Variants in PTPRN2 observed in about 807,000 individuals in gnomAD.
The protein encoded by PTPRN2 is protein tyrosine phosphatase receptor type N2.
PTPRN2 carries 74 observed loss-of-function variants against 118.8 expected under a neutral mutation model. The ratio of observed to expected loss-of-function variants is 0.62; its 90% CI spans 0.52 to 0.76. PTPRN2 has a LOEUF of 0.76. Among genes scored for constraint, PTPRN2 ranks in the 30% least tolerant of loss-of-function variants. PTPRN2 has a pLI of 0.00. For synonymous variants in PTPRN2, 641 were observed against 608.0 expected (o/e 1.05, Z -0.80); for missense variants, 1,481 against 1,394.4 (o/e 1.06, Z -0.99).
chr7:158,327,136 C>G (rs1415533618), intron 2 of PTPRN2, among the ~76,000 whole-genome samples: 5 of 26,004 alleles, frequency 1.9e-4, no homozygotes. Context: ...CACATACACA[C>G]TCATATCCAC....
intron 3 of PTPRN2, among the ~76,000 whole-genome samples, chr7:158,210,131 CTTTTTTTT>C (rs869191127): frequency 9.2e-6 from 1 of 108,662 alleles, no homozygotes; most frequent in East Asian, 3.0e-4. Flanking sequence ...AATGATGCAT[CTTTTTTTT>C]TTTTTTTTTT....
chr7:158,411,204 C>T (rs1460742974), intron 2 of PTPRN2, among the ~76,000 whole-genome samples: 9 of 152,210 alleles, frequency 5.9e-5, no homozygotes, highest in Admixed American at 6.5e-5. Context: ...TACAACCAAA[C>T]GCAGCTCCGT....
chr7:157,633,481 G>A (rs920805413), intron 14 of PTPRN2, among the ~76,000 whole-genome samples: 1 of 152,228 alleles, frequency 6.6e-6, no homozygotes, highest in Admixed American at 6.5e-5. Flanking sequence ...CCATCTGCAA[G>A]TAGATAAACA....
intron 2 of PTPRN2, among the ~76,000 whole-genome samples, chr7:158,439,663 T>C (rs1816839732): frequency 6.6e-6 from 1 of 152,234 alleles, no homozygotes; most frequent in Non-Finnish European, 1.5e-5. Flanking sequence ...AGTCATGATG[T>C]GTATTAATAT....
intron 13 of PTPRN2, among the ~76,000 whole-genome samples, chr7:157,675,277 G>A (rs79638539): frequency 6.6e-6 from 1 of 152,246 alleles, no homozygotes; most frequent in African/African-American, 2.4e-5. Flanking sequence ...CTCCTGCCGA[G>A]CCCTCACCTC....
chr7:158,421,716 T>C (rs1001857457), intron 2 of PTPRN2, among the ~76,000 whole-genome samples: 4 of 152,238 alleles, frequency 2.6e-5, no homozygotes, highest in African/African-American at 9.6e-5. Flanking sequence ...AGTAAATTGC[T>C]AGTTTTCTCC....
rs894483605 is a variant in PTPRN2, at chr7:157,540,508, G to A, written c.*206C>T. 25 of 425,294 alleles carry A rather than the reference G, an allele frequency of 5.9e-5. No homozygotes were observed. Among genetic ancestry groups the A allele is most frequent in the African/African-American group, 1.0e-4 (5 of 48,840 alleles). 26.3% of individuals were successfully genotyped at this position (425,294 alleles called of 1,614,324 possible). A position where few individuals can be genotyped will look rare whatever the true frequency, so the allele number is the denominator to read the frequency against. On this transcript the variant is annotated 3_prime_UTR_variant, in exon 23 of 23. Transcript: ENST00000389418. ...TTGATGAACCGATTCCCCTCCACCC[G>A]TAACTGGATTTTTCCACAAATCTCT... is the stretch of plus-strand genomic sequence containing the variant.
At chr7:157,577,325 G>T (rs1183248277) in intron 18 of PTPRN2, among the ~76,000 whole-genome samples, 1 of 152,188 alleles carries the variant, frequency 6.6e-6, no homozygotes, top group Non-Finnish European at 1.5e-5. Flanking sequence ...CAGCTGTGTG[G>T]TTTAAGGTTC....
intron 12 of PTPRN2, among the ~76,000 whole-genome samples, chr7:157,884,368 T>G (rs1796339560): frequency 6.6e-6 from 1 of 152,250 alleles, no homozygotes; most frequent in African/African-American, 2.4e-5. Flanking sequence ...GATCTATGTT[T>G]ATAAAGGAGT....
chr7:157,926,701 A>C (rs4716812), intron 11 of PTPRN2, among the ~76,000 whole-genome samples: 91,017 of 151,892 alleles, frequency 0.6, 27,416 homozygotes, highest in Admixed American at 0.66. Flanking sequence ...ACACCCACAG[A>C]CCCTGTAAAA....
chr7:158,415,173 T>G (rs776968527), intron 2 of PTPRN2, among the ~76,000 whole-genome samples: 21 of 152,230 alleles, frequency 1.4e-4, no homozygotes, highest in African/African-American at 5.1e-4. Flanking sequence ...AAACCACACC[T>G]CAACTCCCTG....
intron 1 of PTPRN2, among the ~76,000 whole-genome samples, chr7:158,557,065 G>A (rs1586937320): frequency 1.7e-5 from 2 of 116,012 alleles, no homozygotes; most frequent in Admixed American, 9.4e-5. Flanking sequence ...CCAGGCAGGT[G>A]GCTCCCGCGC....
Position 157,682,705 on chromosome 7 carries a change from T to C in PTPRN2, c.2001+20A>G. 6.2e-7 allele frequency: 1 copy of C among 1,601,690 alleles called. No homozygotes were observed. The highest frequency in any genetic ancestry group is 8.5e-7 in the Non-Finnish European group (1 of 1,170,298). ...AACAGATAAATCCGATATACCACTT[T>C]TTAAAAAGTCTCCTCTTACCTGGTA... On this transcript the variant is annotated intron_variant, in intron 13 of 22. Coordinates refer to ENST00000389418, the MANE Select transcript of PTPRN2 (RefSeq NM_002847.5).
At chr7:158,330,028 G>C (rs1269976006) in intron 2 of PTPRN2, among the ~76,000 whole-genome samples, 1 of 114,452 alleles carries the variant, frequency 8.7e-6, no homozygotes, top group African/African-American at 3.2e-5. Context: ...CTCACCATAA[G>C]AGGTGACATC....
intron 16 of PTPRN2, among the ~76,000 whole-genome samples, chr7:157,601,559 T>C (rs1801668210): frequency 6.6e-6 from 1 of 152,238 alleles, no homozygotes; most frequent in African/African-American, 2.4e-5. Flanking sequence ...CAGTAAGGCC[T>C]GGAGAGGGAG....
chr7:158,205,242 A>T lies in PTPRN2; in HGVS notation c.309T>A (p.Tyr103Ter). 6.2e-7 allele frequency: 1 copy of T among 1,614,132 alleles called. No individual in the cohort carries two copies. Among genetic ancestry groups the T allele is most frequent in the East Asian group, 2.2e-5 (1 of 44,888 alleles). The stretch of plus-strand genomic sequence containing the variant: ...GGTCTGCAAGTTCCTGGTCCATCAC[A>T]TACTGAGTATAGTCATCCTGCCACG... ...GFTWQDDYTQYVMDQELADLP... is the reference protein window; with the variant it reads ...GFTWQDDYTQ Residue 103 changes from tyrosine (Y) to a stop codon, truncating the protein, a stop_gained, in exon 4 of 23, where the codon TAT becomes TAA. Transcript: ENST00000389418. LOFTEE classifies it high-confidence loss of function.
chr7:158,153,100 A>T (rs1462543821), intron 6 of PTPRN2, among the ~76,000 whole-genome samples: 1 of 152,222 alleles, frequency 6.6e-6, no homozygotes, highest in African/African-American at 2.4e-5. Context: ...GCAGACCGAC[A>T]GACACCAGCA....
intron 12 of PTPRN2, among the ~76,000 whole-genome samples, chr7:157,702,291 C>A (rs1798118439): frequency 6.6e-6 from 1 of 150,704 alleles, no homozygotes; most frequent in African/African-American, 2.4e-5. Context: ...AAAGCCTGGT[C>A]GGTCCTGGTG....
chr7:158,437,042 C>T (rs1371239881), intron 2 of PTPRN2, among the ~76,000 whole-genome samples: 1 of 152,162 alleles, frequency 6.6e-6, no homozygotes, highest in African/African-American at 2.4e-5. Flanking sequence ...TCAAACATTG[C>T]TTCTAAGCTG....
Sources: gnomAD v4.1 joint callset for allele counts (sites outside exome capture counted in the v4.1 genomes callset) on GRCh38, gnomAD v4.1.1 for gene constraint, MANE v1.5 for transcripts, NCBI Gene and HGNC (gene_info 2026-07-23, HGNC 2026-07-21) for gene names.